FAM135B: variants seen among roughly 807,000 people sequenced by gnomAD.
The protein encoded by FAM135B is family with sequence similarity 135 member B.
A neutral mutation model predicts 127.7 loss-of-function variants in FAM135B; 43 were observed. That is an observed-to-expected ratio of 0.34 (90% CI 0.26 to 0.43). The LOEUF (loss-of-function observed/expected upper bound fraction) is 0.43, where lower values mean the gene tolerates loss of function less well. Ranked by LOEUF, FAM135B falls within the 20% of genes least tolerant of loss-of-function variation. FAM135B has a pLI of 1.00. For missense variants in FAM135B, 1,558 were observed against 1,725.6 expected (o/e 0.90, Z 1.72); for synonymous variants, 670 against 665.1 (o/e 1.01, Z -0.11).
intron 1 of FAM135B, among the ~76,000 whole-genome samples, chr8:138,378,090 A>G (rs1008201062): frequency 9.9e-5 from 15 of 152,174 alleles, no homozygotes; most frequent in East Asian, 9.6e-4. Context: ...GTCACATAAC[A>G]TCTCTAAGCC....
rs1385927889 is a variant in FAM135B, at chr8:138,392,946, G to C, written c.-19-24944C>G. On this transcript the variant is annotated intron_variant, in intron 1 of 19. Transcript: ENST00000395297. ...ATGCTGCTGATAAAGGCATAACCGA[G>C]ACTGGGCAATTTACAAAAGAAAGAG... 2.6e-5 allele frequency among the ~76,000 whole-genome samples: 4 copies of C among 152,188 alleles called. No individual in the cohort carries two copies. In the South Asian group the frequency reaches 6.2e-4, roughly 24 times the overall value.
intron 3 of FAM135B, among the ~76,000 whole-genome samples, chr8:138,295,871 C>G (rs1825443751): frequency 6.6e-6 from 1 of 152,046 alleles, no homozygotes; most frequent in African/African-American, 2.4e-5. Context: ...ATTTGATGAT[C>G]TGGTAGGAAA....
At chr8:138,311,169 T>C (rs1193550250) in intron 2 of FAM135B, among the ~76,000 whole-genome samples, 3 of 152,152 alleles carry the variant, frequency 2.0e-5, no homozygotes, top group South Asian at 2.1e-4. Context: ...TTGGAGGTGA[T>C]GGGAATAGAG....
chr8:138,467,196 CTA>C (rs1261873976), intron 1 of FAM135B, among the ~76,000 whole-genome samples: 1 of 152,162 alleles, frequency 6.6e-6, no homozygotes, highest in Non-Finnish European at 1.5e-5. Flanking sequence ...TCACTGCATG[CTA>C]TCTTATACCA....
chr8:138,405,412 G>A (rs1291360274), intron 1 of FAM135B, among the ~76,000 whole-genome samples: 2 of 136,554 alleles, frequency 1.5e-5, no homozygotes, highest in African/African-American at 5.5e-5. Flanking sequence ...CCCTTCCTGT[G>A]TCCATGTGTT....
intron 2 of FAM135B, among the ~76,000 whole-genome samples, chr8:138,334,576 G>A (rs999540967): frequency 1.8e-4 from 27 of 151,882 alleles, no homozygotes; most frequent in African/African-American, 5.3e-4. Context: ...CCAGTGTATC[G>A]TGTTCCCCTC....
chr8:138,430,541 G>A (rs1017306613), intron 1 of FAM135B, among the ~76,000 whole-genome samples: 5 of 152,292 alleles, frequency 3.3e-5, no homozygotes, highest in African/African-American at 1.2e-4. Context: ...TGCTGGGCAG[G>A]TGCTGGCCTC....
rs2130629921 is a variant in FAM135B, at chr8:138,265,755, G to T, written c.245C>A (p.Pro82His). ...TCGGAAGACCACAGCATCATTTATG[G>T]GTACCTCTTCATTCCGGTATAAGAT... ...FQILYRNEEV[P>H]INDAVVFRVH... Residue 82 changes from proline to histidine, a missense_variant, in exon 4 of 20, where the codon CCC becomes CAC. Transcript: ENST00000395297. 2 of 1,614,002 alleles carry T rather than the reference G, an allele frequency of 1.2e-6. No homozygotes were observed. The highest frequency in any genetic ancestry group is 1.7e-6 in the Non-Finnish European group (2 of 1,179,992).
intron 12 of FAM135B, among the ~76,000 whole-genome samples, chr8:138,157,040 A>G (rs1231435976): frequency 1.3e-5 from 2 of 152,208 alleles, no homozygotes; most frequent in Non-Finnish European, 2.9e-5. Context: ...CAATGCAAAA[A>G]TCCTCAATAA....
At chr8:138,312,553 A>T (rs1408511694) in intron 2 of FAM135B, among the ~76,000 whole-genome samples, 1 of 152,202 alleles carries the variant, frequency 6.6e-6, no homozygotes, top group Non-Finnish European at 1.5e-5. Flanking sequence ...TACAAAAAAA[A>T]GCCCTCTCCC....
chr8:138,193,119 C>T (rs193029174), intron 9 of FAM135B, among the ~76,000 whole-genome samples: 158 of 152,336 alleles, frequency 1.0e-3, no homozygotes, highest in African/African-American at 3.7e-3. Flanking sequence ...GCAGTGGTCC[C>T]TGCCTGCCCT....
At chr8:138,176,535 C>T (rs1814487057) in intron 11 of FAM135B, among the ~76,000 whole-genome samples, 1 of 152,180 alleles carries the variant, frequency 6.6e-6, no homozygotes. Context: ...CCCTTACTTG[C>T]AGAATCCATG....
intron 2 of FAM135B, among the ~76,000 whole-genome samples, chr8:138,313,271 A>G (rs957849661): frequency 6.6e-6 from 1 of 152,092 alleles, no homozygotes; most frequent in Non-Finnish European, 1.5e-5. Context: ...AGCTGGGATC[A>G]CAGGTACCCA....
At chr8:138,193,092 G>A (rs151148978) in intron 9 of FAM135B, among the ~76,000 whole-genome samples, 345 of 152,262 alleles carry the variant, frequency 2.3e-3, no homozygotes, top group Non-Finnish European at 4.1e-3. Flanking sequence ...ACCACGTGAC[G>A]TATAAGGAGA....
rs374779918 is a variant in FAM135B at position 138,152,392 on chromosome 8, C to A, written c.2083G>T (p.Val695Phe). The A allele has an allele frequency of 6.2e-6, 10 of 1,614,164 alleles. No individual in the cohort carries two copies. The South Asian group carries it at 7.7e-5, about 12-fold the overall frequency. Residue 695 changes from valine (V) to phenylalanine (F), a missense_variant, in exon 13 of 20, where the codon GTC (valine) becomes TTC (phenylalanine). This residue lies in a region of FAM135B where 923 missense variants were observed against 865.3 expected (regional missense o/e 1.07). Transcript: ENST00000395297. ...CTGCTTCGGGCCTCTGACCAGGCGA[C>A]GGAGCTTGGCTCACTCTCAATGCCT... ...DSGIESEPSS[V>F]AWSEARSRAL... is the part of the protein sequence containing the mutation.
chr8:138,425,887 G>A (rs1301065074), intron 1 of FAM135B, among the ~76,000 whole-genome samples: 1 of 149,798 alleles, frequency 6.7e-6, no homozygotes, highest in Non-Finnish European at 1.5e-5. Context: ...GGAGGCTCAT[G>A]CCTGTAATCT....
rs1235793273 is a variant in FAM135B, at chr8:138,197,582, G to C, written c.757C>G (p.Arg253Gly). The change falls in exon 8 of 20, where the codon CGG (arginine) becomes GGG (glycine). Residue 253 changes from arginine (R) to glycine (G), a missense_variant. Around this residue, in one of 5 missense-constraint regions of FAM135B, gnomAD observed 127 missense variants for 109.7 expected, o/e 1.16. Coordinates refer to ENST00000395297, the MANE Select transcript of FAM135B (RefSeq NM_015912.4). ...ACCAGGAAGTGGAGACGGAGACCCC[G>C]GTAAGCGTGGAGGAGCAACAGGCAC... is the stretch of plus-strand genomic sequence containing the variant. ...DLCLLLLHAY[R>G]GLRLHFLVIM... 6.2e-7 allele frequency: 1 copy of C among 1,614,130 alleles called. No homozygotes were observed. The highest frequency in any genetic ancestry group is 8.5e-7 in the Non-Finnish European group (1 of 1,180,036).
At chr8:138,321,529 A>G (rs1476386923) in intron 2 of FAM135B, among the ~76,000 whole-genome samples, 1 of 152,238 alleles carries the variant, frequency 6.6e-6, no homozygotes, top group Non-Finnish European at 1.5e-5. Context: ...CATTTTGATT[A>G]AGAGGGTAAG....
At chr8:138,189,435 TGTTTTACC>T (rs1314611974) in intron 9 of FAM135B, among the ~76,000 whole-genome samples, 1 of 152,276 alleles carries the variant, frequency 6.6e-6, no homozygotes, top group Non-Finnish European at 1.5e-5. Context: ...TGCAAAAGGC[TGTTTTACC>T]GTCTGCCCTC....
Sources: allele counts gnomAD v4.1 joint callset (sites outside exome capture counted in the v4.1 genomes callset), GRCh38; gene constraint gnomAD v4.1.1; regional missense constraint gnomAD v4.1.1; transcripts MANE v1.5; gene names NCBI Gene and HGNC (gene_info 2026-07-23, HGNC 2026-07-21).